Variants in PDE8A observed in about 807,000 individuals in gnomAD.
PDE8A encodes high affinity cAMP-specific and IBMX-insensitive 3',5'-cyclic phosphodiesterase 8A.
PDE8A carries 59 observed loss-of-function variants against 105.0 expected under a neutral mutation model. The observed-to-expected ratio is 0.56, with a 90% CI of 0.46 to 0.70. The LOEUF (loss-of-function observed/expected upper bound fraction) is 0.70, where lower values mean the gene tolerates loss of function less well. PDE8A is among the 30% of genes least tolerant of loss of function. PDE8A has a pLI of 0.00. For missense variants in PDE8A, 1,014 were observed against 1,045.9 expected, an observed-to-expected ratio of 0.97 and a Z score of 0.42; for synonymous variants, 355 against 371.9, an observed-to-expected ratio of 0.95 and a Z score of 0.52.
chr15:84,997,207 T>C (rs1364741540), intron 1 of PDE8A, among the ~76,000 whole-genome samples: 1 of 152,122 alleles, frequency 6.6e-6, no homozygotes, highest in Admixed American at 6.6e-5. Context: ...TTTTTTTTTC[T>C]TTTTGAGACA....
chr15:85,006,018 A>G (rs1013439174), intron 1 of PDE8A, among the ~76,000 whole-genome samples: 1 of 151,984 alleles, frequency 6.6e-6, no homozygotes, highest in African/African-American at 2.4e-5. Flanking sequence ...AATTCTGGAG[A>G]TTTAAAAATG....
At chr15:85,038,202 C>G (rs1243148051) in intron 1 of PDE8A, among the ~76,000 whole-genome samples, 1 of 147,744 alleles carries the variant, frequency 6.8e-6, no homozygotes, top group Non-Finnish European at 1.5e-5. Flanking sequence ...CTGCAAGGCT[C>G]TCTCCAATTG....
rs780706743 is a variant in PDE8A, at chr15:84,982,177, G to A, written c.15G>A (p.Pro5=). The part of the protein sequence containing the change: MGCA[P]SIHISERLVA... ...CCGCCGCCAGCATGGGCTGTGCCCC[G>A]AGCATCCACATTTCCGAGCGCCTGG... The change falls in exon 1 of 22, where the codon CCG becomes CCA. Residue 5 remains proline, a synonymous_variant. Transcript: ENST00000394553. The A allele has an allele frequency of 4.7e-5, 70 of 1,478,948 alleles. No homozygotes were observed. In the African/African-American group the frequency reaches 1.0e-3, roughly 21 times the overall value. 91.6% of individuals were successfully genotyped at this position (1,478,948 alleles called of 1,614,324 possible). A position where few individuals can be genotyped will look rare whatever the true frequency, so the allele number is the denominator to read the frequency against.
At chr15:85,070,847 G>A (rs2081300436) in intron 3 of PDE8A, among the ~76,000 whole-genome samples, 4 of 152,234 alleles carry the variant, frequency 2.6e-5, no homozygotes, top group Admixed American at 2.6e-4. Context: ...TGGCTGCCAA[G>A]TGGAGAATGG....
At chr15:85,059,623 G>T (rs1163818343) in intron 1 of PDE8A, among the ~76,000 whole-genome samples, 8 of 152,028 alleles carry the variant, frequency 5.3e-5, no homozygotes. Context: ...TATTTTGTCT[G>T]CTGTTAGTAT....
intron 14 of PDE8A, 68 bp from the exon 15 acceptor site, chr15:85,115,371 C>A (rs2082079519): frequency 2.9e-6 from 3 of 1,036,070 alleles, no homozygotes; most frequent in Middle Eastern, 2.0e-4. Context: ...GGGAGGACCA[C>A]CTGGAGTTTC....
chr15:85,111,702 T>G (rs1259241709), intron 12 of PDE8A, among the ~76,000 whole-genome samples: 2 of 152,216 alleles, frequency 1.3e-5, no homozygotes, highest in East Asian at 3.8e-4. Context: ...AGAATGAGCT[T>G]CTTAGTTTAT....
At position 84,986,069 on chromosome 15, in the gene PDE8A, T is replaced by TA. The variant is rs769463411; in HGVS notation, c.186+3729dup. On this transcript the variant is annotated intron_variant, in intron 1 of 21. Transcript: ENST00000394553. The stretch of plus-strand genomic sequence containing the variant: ...TCAAGACTCTGTCTCTACCAAAAAA[T>TA]AAAAAAAATTAGCTGGGCATGGCAC... Among the ~76,000 whole-genome samples the TA allele has an allele frequency of 1.6e-4, 24 of 151,582 alleles. No homozygotes were observed. The South Asian group carries it at 3.1e-3, about 20-fold the overall frequency.
chr15:85,125,110 T>C (rs1338021142), intron 19 of PDE8A, among the ~76,000 whole-genome samples: 1 of 151,900 alleles, frequency 6.6e-6, no homozygotes, highest in Non-Finnish European at 1.5e-5. Flanking sequence ...AAACCTGGAG[T>C]GAGGAGAGCT....
chr15:85,097,871 T>C, intron 8 of PDE8A, 77 bp from the exon 9 acceptor site: 1 of 803,454 alleles, frequency 1.2e-6, no homozygotes. Flanking sequence ...TGTAAGTGAA[T>C]CAGAACTGAA....
rs188283055 is a variant in PDE8A, at chr15:85,084,732, C to G, written c.635+1088C>G. ...CAAATGGCAAAAATAGTGCTTTAAA[C>G]TGAAATCTGCATTTTCGAAACTGCA... On this transcript the variant is annotated intron_variant, in intron 6 of 21. Transcript: ENST00000394553. 2.6e-5 allele frequency among the ~76,000 whole-genome samples: 4 copies of G among 152,336 alleles called. No individual in the cohort carries two copies. The East Asian group carries it at 7.7e-4, about 29-fold the overall frequency.
intron 1 of PDE8A, among the ~76,000 whole-genome samples, chr15:85,031,005 A>T (rs2080606270): frequency 1.3e-5 from 2 of 152,256 alleles, no homozygotes; most frequent in South Asian, 4.1e-4. Flanking sequence ...AGTACTCAGT[A>T]TACGTTTAGC....
In PDE8A at chr15:85,117,332, T is replaced by C. The variant is rs182033605; in HGVS notation, c.1536-309T>C. On this transcript the variant is annotated intron_variant, in intron 16 of 21. Coordinates refer to ENST00000394553, the MANE Select transcript of PDE8A (RefSeq NM_002605.3). ...AGGGTTATTTTGAGGAACCCACTAGTGCAAGTAGGAAGCTGAACCTGGAAG... is the reference window on the plus strand; with the variant it reads ...AGGGTTATTTTGAGGAACCCACTAGCGCAAGTAGGAAGCTGAACCTGGAAG... 5.3e-5 allele frequency among the ~76,000 whole-genome samples: 8 copies of C among 152,278 alleles called. No homozygotes were observed. In the East Asian group the frequency reaches 1.3e-3, roughly 26 times the overall value.
intron 11 of PDE8A, among the ~76,000 whole-genome samples, chr15:85,100,436 G>A (rs2081842881): frequency 6.6e-6 from 1 of 152,184 alleles, no homozygotes. Context: ...GGAAAGAAAT[G>A]GTCAACTGAA....
intron 19 of PDE8A, among the ~76,000 whole-genome samples, chr15:85,125,034 A>G (rs377202348): frequency 3.3e-5 from 5 of 152,318 alleles, no homozygotes; most frequent in East Asian, 1.9e-4. Context: ...GTATGAAACT[A>G]TAGTCACACT....
At chr15:85,014,087 C>T (rs908652426) in intron 1 of PDE8A, among the ~76,000 whole-genome samples, 2 of 152,178 alleles carry the variant, frequency 1.3e-5, no homozygotes, top group Admixed American at 1.3e-4. Context: ...GGAGATGATA[C>T]ACGATCTTGT....
At chr15:85,129,489 A>G (rs1351288919) in intron 20 of PDE8A, among the ~76,000 whole-genome samples, 3 of 152,052 alleles carry the variant, frequency 2.0e-5, no homozygotes, top group African/African-American at 7.2e-5. Context: ...GAGTTTATCC[A>G]TTGTGTTGGC....
At chr15:85,124,928 C>T (rs897822209) in intron 19 of PDE8A, among the ~76,000 whole-genome samples, 2 of 152,276 alleles carry the variant, frequency 1.3e-5, no homozygotes, top group Admixed American at 6.5e-5. Context: ...TCTCTGTTGT[C>T]GGTACATGGG....
At chr15:85,067,612 T>C (rs888212381) in intron 3 of PDE8A, among the ~76,000 whole-genome samples, 11 of 152,204 alleles carry the variant, frequency 7.2e-5, no homozygotes, top group African/African-American at 2.4e-4. Context: ...TATGAGAGAA[T>C]TCTCTGTAGT....
Sources: allele counts gnomAD v4.1 joint callset (sites outside exome capture counted in the v4.1 genomes callset), GRCh38; gene constraint gnomAD v4.1.1; transcripts MANE v1.5; gene names NCBI Gene and HGNC (gene_info 2026-07-23, HGNC 2026-07-21).